The following PCDHGA5 variants were observed in gnomAD, a reference collection of about 807,000 sequenced individuals.
The protein encoded by PCDHGA5 is protocadherin gamma subfamily A, 5.
Under a neutral mutation model 56.7 loss-of-function variants are expected in PCDHGA5, and 36 were observed. The ratio of observed to expected loss-of-function variants is 0.64; its 90% CI spans 0.49 to 0.84. The LOEUF (loss-of-function observed/expected upper bound fraction) is 0.84. Among genes scored for constraint, PCDHGA5 ranks in the 40% least tolerant of loss-of-function variants. The pLI, the probability that PCDHGA5 is intolerant of heterozygous loss-of-function variation, is 0.00. For synonymous variants in PCDHGA5, 563 were observed against 520.2 expected, an observed-to-expected ratio of 1.08 and a Z score of -1.12; for missense variants, 1,305 against 1,201.5, an observed-to-expected ratio of 1.09 and a Z score of -1.27.
chr5:141,375,309 C>T, intron 1 of PCDHGA5: 3 of 1,613,840 alleles, frequency 1.9e-6, no homozygotes, highest in Non-Finnish European at 2.5e-6. Context: ...ACAAATGCAG[C>T]TCTAGACCGG....
intron 1 of PCDHGA5, chr5:141,441,621 G>C (rs2098260273): frequency 9.0e-6 from 2 of 223,292 alleles, no homozygotes; most frequent in Non-Finnish European, 1.8e-5. Flanking sequence ...CGTGGCCAGT[G>C]ACCTGGAGCC....
intron 1 of PCDHGA5, chr5:141,441,971 G>T: frequency 3.3e-6 from 1 of 298,820 alleles, no homozygotes; most frequent in Non-Finnish European, 6.5e-6. Context: ...AGGCTCTTCA[G>T]CCTGGAATGC....
At position 141,374,916 on chromosome 5, in the gene PCDHGA5, CTT is replaced by C. The variant is rs779055803; in HGVS notation, c.2421+8166_2421+8167del. ...GATGAAGGAGTCCACGGGGAAGTAA[CTT>C]ATTCCTTTGTGAAGATTACAGAAAA... On this transcript the variant is annotated intron_variant, in intron 1 of 3. Transcript: ENST00000518069. The C allele has an allele frequency of 1.2e-5, 20 of 1,613,924 alleles. No individual in the cohort carries two copies. The African/African-American group carries it at 2.4e-4, about 19-fold the overall frequency.
rs1453338344 is a variant in PCDHGA5, at chr5:141,364,378, C to G, written c.48C>G (p.Pro16=). Reference sequence around the variant, plus strand: ...GGGGCTGCGGAGAGCTGCTGCTGCCCTTCATGCTCCTGGGGACGCTGTGCG... The same window carrying G: ...GGGGCTGCGGAGAGCTGCTGCTGCCGTTCATGCTCCTGGGGACGCTGTGCG... ...RGWGCGELLL[P]FMLLGTLCEP... Residue 16 remains proline (P), a synonymous_variant, in exon 1 of 4, where the codon CCC becomes CCG. Coordinates refer to ENST00000518069, the MANE Select transcript of PCDHGA5 (RefSeq NM_018918.3). The G allele has an allele frequency of 1.9e-6, 3 of 1,578,948 alleles. No homozygotes were observed. The highest frequency in any genetic ancestry group is 1.4e-5 in the African/African-American group (1 of 73,636).
Position 141,432,097 on chromosome 5 carries a change from C to T in PCDHGA5, c.2422-62710C>T, listed in dbSNP as rs1428283489. The stretch of plus-strand genomic sequence containing the variant: ...TCTCGCTGAACGTGGCAGACACCAA[C>T]GACAACCCGCCGGTCTTCCCTCAGG... On this transcript the variant is annotated intron_variant, in intron 1 of 3. Transcript: ENST00000518069. This position sits in a 1 kb window ranked among gnomAD's most constrained non-coding sequence, Gnocchi z 6.0. 6 of 1,614,066 alleles carry T rather than the reference C, an allele frequency of 3.7e-6. No individual in the cohort carries two copies. The highest frequency in any genetic ancestry group is 2.7e-5 in the African/African-American group (2 of 74,920).
chr5:141,395,254 G>T, intron 1 of PCDHGA5: 1 of 1,556,766 alleles, frequency 6.4e-7, no homozygotes, highest in Non-Finnish European at 8.7e-7. Context: ...TTAGTTCTTT[G>T]CTTGCTTTTA....
intron 1 of PCDHGA5, among the ~76,000 whole-genome samples, chr5:141,480,916 A>C (rs991166066): frequency 6.6e-6 from 1 of 152,106 alleles, no homozygotes; most frequent in East Asian, 1.9e-4. Flanking sequence ...ATGGTGGCGC[A>C]TACCTGTAGT....
chr5:141,385,563 C>T, intron 1 of PCDHGA5: 1 of 1,304,972 alleles, frequency 7.7e-7, no homozygotes, highest in Non-Finnish European at 9.7e-7. Flanking sequence ...TTATAATTTC[C>T]ACCTACTTTC....
Position 141,490,869 on chromosome 5 carries a change from A to AT in PCDHGA5, c.2422-3936dup. 1.2e-6 allele frequency: 2 copies of AT among 1,613,902 alleles called. No individual in the cohort carries two copies. Among genetic ancestry groups the AT allele is most frequent in the Non-Finnish European group, 8.5e-7 (1 of 1,179,954 alleles). ...GGGTTCGAGACTCCGGCTCTCCCCC[A>AT]TTGCATGCCAACACATCTCTGCATG... On this transcript the variant is annotated intron_variant, in intron 1 of 3. Coordinates refer to ENST00000518069, the MANE Select transcript of PCDHGA5 (RefSeq NM_018918.3). This position sits in a 1 kb window ranked among gnomAD's most constrained non-coding sequence, Gnocchi z 5.4.
intron 1 of PCDHGA5, chr5:141,393,647 A>T: frequency 6.2e-7 from 1 of 1,613,964 alleles, no homozygotes; most frequent in Non-Finnish European, 8.5e-7. Context: ...GAAAAGTGGC[A>T]TACAAATTCC....
intron 1 of PCDHGA5, chr5:141,375,149 A>G (rs1340397113): frequency 6.2e-7 from 1 of 1,613,944 alleles, no homozygotes. Flanking sequence ...AAGCAGAACA[A>G]TTGCTGAAAG....
At chr5:141,462,523 G>GTGTT (rs2099041548) in intron 1 of PCDHGA5, among the ~76,000 whole-genome samples, 1 of 152,024 alleles carries the variant, frequency 6.6e-6, no homozygotes, top group African/African-American at 2.4e-5. Context: ...GTTAGTAAGA[G>GTGTT]TGTTGTTCAG....
chr5:141,394,534 G>T (rs751746485), intron 1 of PCDHGA5: 2 of 1,614,074 alleles, frequency 1.2e-6, no homozygotes, highest in Non-Finnish European at 1.7e-6. Flanking sequence ...GGTTCCACTG[G>T]CGTGGAGCTG....
chr5:141,439,669 A>T (rs983024479), intron 1 of PCDHGA5, among the ~76,000 whole-genome samples: 4 of 152,174 alleles, frequency 2.6e-5, no homozygotes, highest in Non-Finnish European at 5.9e-5. Context: ...ATGGAATGCA[A>T]ATCCAAGAGC....
Position 141,364,567 on chromosome 5 carries a change from G to A in PCDHGA5, c.237G>A (p.Pro79=), listed in dbSNP as rs1034975661. 6 of 1,614,130 alleles carry A rather than the reference G, an allele frequency of 3.7e-6. No homozygotes were observed. Among genetic ancestry groups the A allele is most frequent in the Non-Finnish European group, 5.1e-6 (6 of 1,179,962 alleles). The part of the protein sequence containing the change: ...RGRTQLFALN[P]RSGSLVTAGR... ...GGACGCAGCTTTTTGCCCTGAACCC[G>A]CGAAGCGGCAGCTTGGTCACCGCGG... Residue 79 remains proline, a synonymous_variant, in exon 1 of 4, where the codon CCG becomes CCA. Coordinates refer to ENST00000518069, the MANE Select transcript of PCDHGA5 (RefSeq NM_018918.3).
intron 1 of PCDHGA5, among the ~76,000 whole-genome samples, chr5:141,406,975 C>A (rs1434644612): frequency 6.6e-6 from 1 of 152,108 alleles, no homozygotes; most frequent in African/African-American, 2.4e-5. Flanking sequence ...TAGTAAATAA[C>A]ATTTCACAAG....
intron 1 of PCDHGA5, among the ~76,000 whole-genome samples, chr5:141,445,357 G>C (rs115045385): frequency 0.013 from 1,909 of 152,252 alleles, 31 homozygotes; most frequent in African/African-American, 0.044. Flanking sequence ...GTCTGCCCAA[G>C]TCTGGTCCTG....
chr5:141,395,886 C>A (rs538799478), intron 1 of PCDHGA5: 1 of 152,168 alleles, frequency 6.6e-6, no homozygotes, highest in East Asian at 1.9e-4. Context: ...TCAGTGGTCA[C>A]CTGGGCTCCA....
At chr5:141,387,439 A>G (rs1437445923) in intron 1 of PCDHGA5, among the ~76,000 whole-genome samples, 2 of 152,248 alleles carry the variant, frequency 1.3e-5, no homozygotes, top group African/African-American at 4.8e-5. Context: ...TTATGTACTT[A>G]ATCTACATGA....
Sources: allele counts gnomAD v4.1 joint callset (sites outside exome capture counted in the v4.1 genomes callset), GRCh38; gene constraint gnomAD v4.1.1; non-coding constraint Gnocchi (gnomAD v3.1); transcripts MANE v1.5; gene names NCBI Gene and HGNC (gene_info 2026-07-23, HGNC 2026-07-21).